The following RNF121 variants were observed in gnomAD, a reference collection of about 807,000 sequenced individuals.
The protein encoded by RNF121 is E3 ubiquitin ligase RNF121.
RNF121 carries 21 observed loss-of-function variants against 46.5 expected under a neutral mutation model. The ratio of observed to expected loss-of-function variants is 0.45; its 90% CI spans 0.32 to 0.65. The LOEUF is 0.65. Among genes scored for constraint, RNF121 ranks in the 30% least tolerant of loss-of-function variants. The pLI is 0.04. For synonymous variants in RNF121, 139 were observed against 144.7 expected (o/e 0.96, Z 0.28); for missense variants, 346 against 416.0 (o/e 0.83, Z 1.46).
intron 3 of RNF121, among the ~76,000 whole-genome samples, chr11:71,981,437 T>A (rs80179673): frequency 0.032 from 4,943 of 152,230 alleles, 78 homozygotes; most frequent in East Asian, 0.078. Flanking sequence ...GTTGTTTTTT[T>A]TAAAAATATT....
At chr11:71,964,567 C>T (rs559489370) in intron 3 of RNF121, among the ~76,000 whole-genome samples, 48 of 152,132 alleles carry the variant, frequency 3.2e-4, no homozygotes, top group African/African-American at 9.4e-4. Flanking sequence ...GCCTCTACTT[C>T]TGCAGGCTCA....
intron 3 of RNF121, among the ~76,000 whole-genome samples, chr11:71,968,402 C>T (rs1024126485): frequency 3.3e-5 from 5 of 152,082 alleles, no homozygotes; most frequent in African/African-American, 4.8e-5. Flanking sequence ...CTATTGTTTG[C>T]TATTCTGTTT....
chr11:71,977,248 G>T (rs1954545946), intron 3 of RNF121, among the ~76,000 whole-genome samples: 1 of 152,208 alleles, frequency 6.6e-6, no homozygotes, highest in Admixed American at 6.5e-5. Flanking sequence ...TGCAGAGGTG[G>T]TAAGATGAGA....
intron 1 of RNF121, among the ~76,000 whole-genome samples, chr11:71,948,323 C>T (rs943400913): frequency 1.3e-5 from 2 of 151,962 alleles, no homozygotes; most frequent in African/African-American, 4.8e-5. Context: ...CGAGACCAGC[C>T]TTGTCAACGT....
intron 3 of RNF121, among the ~76,000 whole-genome samples, chr11:71,967,512 G>C (rs933259383): frequency 6.6e-6 from 1 of 151,710 alleles, no homozygotes; most frequent in Non-Finnish European, 1.5e-5. Flanking sequence ...ACCACACCCA[G>C]CTAATTTTTG....
intron 1 of RNF121, among the ~76,000 whole-genome samples, chr11:71,933,095 T>G (rs1314578660): frequency 6.6e-6 from 1 of 152,252 alleles, no homozygotes; most frequent in East Asian, 1.9e-4. Flanking sequence ...AAAGCCAATC[T>G]ACTCCTGGAG....
intron 3 of RNF121, chr11:71,962,391 G>A (rs536830331): frequency 1.5e-6 from 1 of 656,136 alleles, no homozygotes; most frequent in African/African-American, 2.0e-5. Flanking sequence ...ACTCAATCTG[G>A]GAAACAGTTA....
chr11:71,994,193 A>G (rs1954925362), intron 6 of RNF121, among the ~76,000 whole-genome samples: 2 of 152,176 alleles, frequency 1.3e-5, no homozygotes, highest in Admixed American at 6.5e-5. Context: ...AAAAGGTGCA[A>G]CAATTTGAGA....
chr11:71,942,772 G>GTATATATATATATATATATATATATATA (rs1201537010), intron 1 of RNF121, among the ~76,000 whole-genome samples: 22 of 18,936 alleles, frequency 1.2e-3, no homozygotes, highest in South Asian at 9.6e-3. Context: ...CTATATATCT[G>GTATATATATATATATATATATATATATA]TATATATATA....
intron 2 of RNF121, among the ~76,000 whole-genome samples, chr11:71,959,466 G>A (rs1170842497): frequency 6.6e-6 from 1 of 152,088 alleles, no homozygotes; most frequent in African/African-American, 2.4e-5. Flanking sequence ...CACTATTTAT[G>A]TTGTCCTTTT....
At chr11:71,982,635 A>C (rs1236637515) in intron 3 of RNF121, 126 bp from the exon 4 acceptor site, 2 of 1,077,786 alleles carry the variant, frequency 1.9e-6, no homozygotes, top group Non-Finnish European at 2.6e-6. Context: ...AGTGGAGTTA[A>C]CTTTATCCAA....
chr11:71,931,530 C>G (rs2155141), intron 1 of RNF121, among the ~76,000 whole-genome samples: 130,856 of 152,222 alleles, frequency 0.86, 56,966 homozygotes, highest in Non-Finnish European at 0.94. Flanking sequence ...GCTTGTGAAA[C>G]AGCAGGTGAA....
intron 1 of RNF121, among the ~76,000 whole-genome samples, chr11:71,943,097 G>A (rs10736783): frequency 0.92 from 140,629 of 152,236 alleles, 65,227 homozygotes; most frequent in Non-Finnish European, 0.98. Flanking sequence ...AGGTTTCAAC[G>A]TACTAATTTT....
At chr11:71,944,390 C>T (rs1427172729) in intron 1 of RNF121, among the ~76,000 whole-genome samples, 1 of 152,186 alleles carries the variant, frequency 6.6e-6, no homozygotes, top group Non-Finnish European at 1.5e-5. Flanking sequence ...ATAGAAAGAT[C>T]ATTCTTGGGG....
rs772613481 is a variant in RNF121 at position 71,996,579 on chromosome 11, C to A, written c.*264C>A. The A allele has an allele frequency of 1.2e-4, 38 of 318,230 alleles. No homozygotes were observed. Among genetic ancestry groups the A allele is most frequent in the African/African-American group, 7.9e-4 (37 of 46,782 alleles). 19.7% of individuals were successfully genotyped at this position (318,230 alleles called of 1,614,324 possible). On this transcript the variant is annotated 3_prime_UTR_variant, in exon 9 of 9. Coordinates refer to ENST00000361756, the MANE Select transcript of RNF121 (RefSeq NM_018320.5). ...TTTTTATTGTGGAGCATAGGAATTG[C>A]CCCCCTCCAGGCTTCACCCTCCCTG...
chr11:71,948,376 CG>C (rs1953776603), intron 1 of RNF121, among the ~76,000 whole-genome samples: 1 of 151,672 alleles, frequency 6.6e-6, no homozygotes, highest in Non-Finnish European at 1.5e-5. Context: ...ATTAGCCGGG[CG>C]TGGTGGCTGC....
At chr11:71,948,486 G>A (rs1163598867) in intron 1 of RNF121, among the ~76,000 whole-genome samples, 1 of 120,624 alleles carries the variant, frequency 8.3e-6, no homozygotes, top group Non-Finnish European at 1.6e-5. Flanking sequence ...CTGCACTCCA[G>A]CCTGGGCAAC....
In RNF121 at chr11:71,961,105, A is replaced by G. The variant is rs547148455; in HGVS notation, c.243+214A>G. Among the ~76,000 whole-genome samples the G allele has an allele frequency of 6.6e-5, 10 of 152,348 alleles. No homozygotes were observed. In the South Asian group the frequency reaches 1.7e-3, roughly 25 times the overall value. On this transcript the variant is annotated intron_variant, in intron 3 of 8. Coordinates refer to ENST00000361756, the MANE Select transcript of RNF121 (RefSeq NM_018320.5). ...AAGGATAGAACATAAGACTATGTTC[A>G]TAGGCAGAAAAGATAGGTTTTCCCT... is the stretch of plus-strand genomic sequence containing the variant.
rs1954889308 is a variant in RNF121 at position 71,992,811 on chromosome 11, G to A, written c.628-1908G>A. 2.3e-5 allele frequency among the ~76,000 whole-genome samples: 3 copies of A among 131,634 alleles called. No homozygotes were observed. In the South Asian group the frequency reaches 8.0e-4, roughly 35 times the overall value. 86.4% of individuals were successfully genotyped at this position (131,634 alleles called of 152,430 possible). A position where few individuals can be genotyped will look rare whatever the true frequency, so the allele number is the denominator to read the frequency against. ...ATATGGGTAAATTAACAGCCAATCT[G>A]AGAAACGCAAGTAAATATTTCTATT... On this transcript the variant is annotated intron_variant, in intron 6 of 8. Transcript: ENST00000361756.
Sources: allele counts gnomAD v4.1 joint callset (sites outside exome capture counted in the v4.1 genomes callset), GRCh38; gene constraint gnomAD v4.1.1; transcripts MANE v1.5; gene names NCBI Gene and HGNC (gene_info 2026-07-23, HGNC 2026-07-21).